CPA6: variants seen among roughly 807,000 people sequenced by gnomAD.
The protein encoded by CPA6 is carboxypeptidase B.
A neutral mutation model predicts 63.3 loss-of-function variants in CPA6; 58 were observed. The observed-to-expected ratio is 0.92, with a 90% confidence interval of 0.74 to 1.14. CPA6 has a LOEUF of 1.14. CPA6 is among the 50% of genes most tolerant of loss of function. CPA6 has a pLI of 0.00. For synonymous variants in CPA6, 185 were observed against 179.0 expected, an observed-to-expected ratio of 1.03 and a Z score of -0.27; for missense variants, 565 against 526.6, an observed-to-expected ratio of 1.07 and a Z score of -0.71.
intron 8 of CPA6, among the ~76,000 whole-genome samples, chr8:67,449,668 C>T (rs80277719): frequency 0.014 from 2,102 of 152,146 alleles, 39 homozygotes; most frequent in African/African-American, 0.048. Context: ...GATAGACAGC[C>T]GTTTTTCAGA....
intron 1 of CPA6, among the ~76,000 whole-genome samples, chr8:67,675,425 C>T (rs1005436227): frequency 6.6e-6 from 1 of 152,128 alleles, no homozygotes; most frequent in African/African-American, 2.4e-5. Context: ...TTACTCATCC[C>T]ACAATCCCCC....
chr8:67,588,879 C>T (rs539327016), intron 2 of CPA6, among the ~76,000 whole-genome samples: 2 of 152,102 alleles, frequency 1.3e-5, no homozygotes, highest in Middle Eastern at 3.4e-3. Flanking sequence ...GTGGCTCATG[C>T]GTGTAATCCC....
At chr8:67,523,228 A>G (rs888949536) in intron 2 of CPA6, among the ~76,000 whole-genome samples, 2 of 152,194 alleles carry the variant, frequency 1.3e-5, no homozygotes, top group African/African-American at 4.8e-5. Flanking sequence ...CACACAAAGT[A>G]CCTAAAATAA....
intron 2 of CPA6, among the ~76,000 whole-genome samples, chr8:67,519,708 A>T (rs2128967129): frequency 6.6e-6 from 1 of 152,258 alleles, no homozygotes; most frequent in South Asian, 2.1e-4. Context: ...GCTGGAAGGG[A>T]TGCTGAGAGG....
At chr8:67,436,566 C>T (rs767172832) in intron 8 of CPA6, among the ~76,000 whole-genome samples, 4 of 152,064 alleles carry the variant, frequency 2.6e-5, no homozygotes, top group Non-Finnish European at 4.4e-5. Context: ...TTTAGAACAG[C>T]GCTATCCAAA....
chr8:67,580,636 G>A (rs1036229009), intron 2 of CPA6, among the ~76,000 whole-genome samples: 4 of 152,248 alleles, frequency 2.6e-5, no homozygotes, highest in East Asian at 1.9e-4. Context: ...GTGAGTGTAC[G>A]TACATGCATG....
chr8:67,528,150 G>A (rs946143513), intron 2 of CPA6, among the ~76,000 whole-genome samples: 1 of 152,264 alleles, frequency 6.6e-6, no homozygotes, highest in African/African-American at 2.4e-5. Context: ...GGACTAAGCA[G>A]ATATGACGTG....
chr8:67,529,162 T>TA (rs372894143), intron 2 of CPA6, among the ~76,000 whole-genome samples: 4 of 151,074 alleles, frequency 2.6e-5, no homozygotes, highest in Middle Eastern at 3.4e-3. Flanking sequence ...ACTTCCTATT[T>TA]AAAAAAAAAT....
At chr8:67,737,276 C>T (rs771222960) in intron 1 of CPA6, among the ~76,000 whole-genome samples, 1 of 152,194 alleles carries the variant, frequency 6.6e-6, no homozygotes, top group Non-Finnish European at 1.5e-5. Context: ...CTTGACCAAG[C>T]TCTCTCACCT....
At chr8:67,539,482 G>A (rs1342212493) in intron 2 of CPA6, among the ~76,000 whole-genome samples, 1 of 152,144 alleles carries the variant, frequency 6.6e-6, no homozygotes, top group Non-Finnish European at 1.5e-5. Flanking sequence ...TCTTGGGGTA[G>A]CTCTTCTCAA....
intron 9 of CPA6, among the ~76,000 whole-genome samples, chr8:67,428,858 C>T (rs1160385524): frequency 2.0e-5 from 3 of 152,140 alleles, no homozygotes; most frequent in Admixed American, 6.5e-5. Context: ...TAGCTCACAA[C>T]CAGTACTTAG....
At chr8:67,681,951 G>A (rs1816608138) in intron 1 of CPA6, among the ~76,000 whole-genome samples, 1 of 151,502 alleles carries the variant, frequency 6.6e-6, no homozygotes, top group Admixed American at 6.6e-5. Context: ...AATGGTTTCT[G>A]GTATTTTAAC....
At chr8:67,687,699 G>C (rs1394479488) in intron 1 of CPA6, among the ~76,000 whole-genome samples, 2 of 152,050 alleles carry the variant, frequency 1.3e-5, no homozygotes, top group African/African-American at 4.8e-5. Context: ...TCAGTTTCTG[G>C]CTCTTTCATT....
At chr8:67,682,885 G>A (rs1242258291) in intron 1 of CPA6, among the ~76,000 whole-genome samples, 1 of 152,112 alleles carries the variant, frequency 6.6e-6, no homozygotes, top group Non-Finnish European at 1.5e-5. Context: ...TAGCCTTTTT[G>A]GTGATTCTTG....
chr8:67,462,679 G>A (rs565693021), intron 8 of CPA6, among the ~76,000 whole-genome samples: 3 of 152,184 alleles, frequency 2.0e-5, no homozygotes, highest in South Asian at 2.1e-4. Context: ...CTTTTAACAC[G>A]TAGAGCTGTG....
intron 2 of CPA6, among the ~76,000 whole-genome samples, chr8:67,588,973 T>C (rs1814026249): frequency 6.6e-6 from 1 of 152,008 alleles, no homozygotes; most frequent in African/African-American, 2.4e-5. Context: ...AAAAATTAGC[T>C]GGGCATGGTC....
intron 3 of CPA6, among the ~76,000 whole-genome samples, chr8:67,513,413 C>T (rs1303993128): frequency 6.6e-6 from 1 of 152,136 alleles, no homozygotes; most frequent in Non-Finnish European, 1.5e-5. Flanking sequence ...TATTCCAATA[C>T]TGCAGGGAAC....
intron 1 of CPA6, among the ~76,000 whole-genome samples, chr8:67,670,509 C>T (rs1563386056): frequency 6.6e-6 from 1 of 152,146 alleles, no homozygotes; most frequent in African/African-American, 2.4e-5. Context: ...TTAGGTAATA[C>T]TCTTAAAGTG....
At chr8:67,463,977 A>T (rs762669612) in intron 8 of CPA6, among the ~76,000 whole-genome samples, 5 of 152,222 alleles carry the variant, frequency 3.3e-5, no homozygotes, top group Non-Finnish European at 5.9e-5. Flanking sequence ...TTCAATGAAC[A>T]CGCGAGCGCA....
Sources: allele counts gnomAD v4.1 joint callset (sites outside exome capture counted in the v4.1 genomes callset), GRCh38; gene constraint gnomAD v4.1.1; transcripts MANE v1.5; gene names NCBI Gene and HGNC (gene_info 2026-07-23, HGNC 2026-07-21).